Variants in TSPEAR observed in about 807,000 individuals in gnomAD.
TSPEAR encodes thrombospondin-type laminin G domain and EAR repeat-containing protein.
TSPEAR carries 69 observed loss-of-function variants against 71.6 expected under a neutral mutation model. That is an observed-to-expected ratio of 0.96 (90% CI 0.79 to 1.18). The LOEUF (loss-of-function observed/expected upper bound fraction) is 1.18. Among genes scored for constraint, TSPEAR ranks in the 50% most tolerant of loss-of-function variants. The probability of loss-of-function intolerance (pLI) is 0.00; values close to 1 mark genes in which losing one functional copy is unlikely to be tolerated. For synonymous variants in TSPEAR, 402 were observed against 387.2 expected (o/e 1.04, Z -0.45); for missense variants, 971 against 894.9 (o/e 1.09, Z -1.09).
chr21:44,599,134 T>TTCCCTCTCTCTCTCTCTC (rs1980575358), intron 1 of TSPEAR, among the ~76,000 whole-genome samples: 4 of 92,280 alleles, frequency 4.3e-5, no homozygotes, highest in African/African-American at 6.6e-5. Flanking sequence ...GGCCCCCATT[T>TTCCCTCTCTCTCTCTCTC]TCTCTCTCTC....
chr21:44,521,500 G>T (rs369672316), intron 9 of TSPEAR, among the ~76,000 whole-genome samples: 14 of 152,316 alleles, frequency 9.2e-5, no homozygotes, highest in African/African-American at 3.1e-4. Context: ...CCAGGGCCAG[G>T]GCCCTGACGA....
chr21:44,503,291 C>CA (rs1291317217), intron 11 of TSPEAR, among the ~76,000 whole-genome samples: 7 of 128,830 alleles, frequency 5.4e-5, no homozygotes, highest in South Asian at 2.6e-4. Flanking sequence ...GGTGAGCCCT[C>CA]GGGGGGAAGC....
chr21:44,566,371 G>A (rs782648554), intron 2 of TSPEAR, among the ~76,000 whole-genome samples: 8 of 152,010 alleles, frequency 5.3e-5, no homozygotes, highest in Non-Finnish European at 7.4e-5. Context: ...CAATGGAAAA[G>A]CATCATACGT....
At position 44,697,638 on chromosome 21, in the gene TSPEAR, C is replaced by A. The variant is rs35076450; in HGVS notation, c.82+13795G>T. On this transcript the variant is annotated intron_variant, in intron 1 of 11. Coordinates refer to ENST00000323084, the MANE Select transcript of TSPEAR (RefSeq NM_144991.3). ...CAGCCAGCTTGCTGCATCTCCTCCC[C>A]GTGTCAACAGTCCTGCTGTGTGCCC... 1,190 of 1,613,732 alleles carry A rather than the reference C, an allele frequency of 7.4e-4. 9 individuals are homozygous for A. In the African/African-American group the frequency reaches 0.014, roughly 19 times the overall value.
In TSPEAR at chr21:44,612,248, T is replaced by A; in HGVS notation, c.83-44243A>T. On this transcript the variant is annotated intron_variant, in intron 1 of 11. Coordinates refer to ENST00000323084, the MANE Select transcript of TSPEAR (RefSeq NM_144991.3). The surrounding 1 kb of genome is among the most constrained non-coding windows in gnomAD (Gnocchi z 4.1). ...GCAGGTGGACAATTGCCAGGAAAGC[T>A]GCTGCGAGCCCCGCTCCTGTGCCTC... 1.2e-6 allele frequency: 2 copies of A among 1,613,676 alleles called. No individual in the cohort carries two copies. The highest frequency in any genetic ancestry group is 1.7e-6 in the Non-Finnish European group (2 of 1,179,986).
At chr21:44,605,402 C>A (rs1601477765) in intron 1 of TSPEAR, among the ~76,000 whole-genome samples, 1 of 152,152 alleles carries the variant, frequency 6.6e-6, no homozygotes, top group African/African-American at 2.4e-5. Flanking sequence ...AGATTCAATG[C>A]AATCTCTATC....
At chr21:44,627,777 C>T (rs370664500) in intron 1 of TSPEAR, 16 of 1,600,592 alleles carry the variant, frequency 1.0e-5, no homozygotes, top group East Asian at 4.5e-5. Flanking sequence ...TGCCTGTCTG[C>T]TCTGGGGCTT....
intron 1 of TSPEAR, among the ~76,000 whole-genome samples, chr21:44,583,188 G>C (rs1809122620): frequency 1.3e-5 from 2 of 152,028 alleles, no homozygotes; most frequent in Non-Finnish European, 2.9e-5. Flanking sequence ...GGGGATCTGA[G>C]TGAGCTGAGC....
rs1386230412 is a variant in TSPEAR, at chr21:44,528,659, C to T, written c.791-76G>A. ...GGAAGACGACACAGGAAGAGGCCCC[C>T]AAACCAGGCTGCCCTGCCTCAGCCT... On this transcript the variant is annotated intron_variant, in intron 5 of 11. Transcript: ENST00000323084. The T allele has an allele frequency of 4.5e-6, 7 of 1,567,620 alleles. No individual in the cohort carries two copies. The African/African-American group carries it at 8.2e-5, about 18-fold the overall frequency.
intron 1 of TSPEAR, among the ~76,000 whole-genome samples, chr21:44,621,601 C>T (rs1321994375): frequency 6.6e-6 from 1 of 152,198 alleles, no homozygotes; most frequent in African/African-American, 2.4e-5. Flanking sequence ...CAGTTGCTCT[C>T]ACTAGAAGCC....
At chr21:44,575,194 G>C (rs902030444) in intron 1 of TSPEAR, 3 of 729,144 alleles carry the variant, frequency 4.1e-6, no homozygotes, top group Non-Finnish European at 6.8e-6. Context: ...GCGGGGGGAG[G>C]GGGGCGCTTC....
chr21:44,706,043 G>C (rs533777532), intron 1 of TSPEAR, among the ~76,000 whole-genome samples: 29 of 152,242 alleles, frequency 1.9e-4, no homozygotes, highest in African/African-American at 7.0e-4. Context: ...TCGATGCTTA[G>C]GAAAATAGAA....
intron 1 of TSPEAR, chr21:44,677,015 TA>T (rs1377418934): frequency 6.8e-6 from 6 of 880,172 alleles, no homozygotes; most frequent in Non-Finnish European, 1.2e-5. Flanking sequence ...TCTGGAGTAA[TA>T]CTGTCCAGCT....
chr21:44,572,856 C>G (rs1555922821), intron 1 of TSPEAR, among the ~76,000 whole-genome samples: 2 of 150,474 alleles, frequency 1.3e-5, no homozygotes, highest in African/African-American at 4.9e-5. Context: ...CACACACACA[C>G]ACACACACAC....
At chr21:44,677,147 G>C in intron 1 of TSPEAR, 1 of 715,452 alleles carries the variant, frequency 1.4e-6, no homozygotes, top group Middle Eastern at 2.3e-4. Context: ...ATCATGTTGT[G>C]AAGTTTATAT....
Position 44,509,317 on chromosome 21 carries a change from G to T in TSPEAR, c.1636C>A (p.His546Asn). ...ACTTGCATCTCCACATCGTAGCTGT[G>T]ACTGTTTGCCACAGCGAGGAAGATC... is the stretch of plus-strand genomic sequence containing the variant. ...ERIFLAVANS[H>N]SYDVEMQVQN... is the part of the protein sequence containing the mutation. Residue 546 changes from histidine (H) to asparagine (N), a missense_variant, in exon 10 of 12, where the codon CAC (histidine) becomes AAC (asparagine). Transcript: ENST00000323084. The T allele has an allele frequency of 6.2e-7, 1 of 1,614,018 alleles. No individual in the cohort carries two copies.
At chr21:44,707,300 G>GTT (rs1555952599) in intron 1 of TSPEAR, among the ~76,000 whole-genome samples, 1 of 133,472 alleles carries the variant, frequency 7.5e-6, no homozygotes, top group Non-Finnish European at 1.7e-5. Context: ...AAGGACGCGG[G>GTT]GTGGGGGGGG....
At chr21:44,561,669 G>T (rs1167429056) in intron 2 of TSPEAR, among the ~76,000 whole-genome samples, 1 of 152,182 alleles carries the variant, frequency 6.6e-6, no homozygotes, top group Non-Finnish European at 1.5e-5. Flanking sequence ...TGCAAAGCTG[G>T]CTCAACATAG....
At chr21:44,531,441 G>A (rs1182000425) in intron 3 of TSPEAR, among the ~76,000 whole-genome samples, 1 of 152,166 alleles carries the variant, frequency 6.6e-6, no homozygotes, top group African/African-American at 2.4e-5. Flanking sequence ...CCCAGTATCT[G>A]TCTCCTGGTA....
Sources: gnomAD v4.1 joint callset for allele counts (sites outside exome capture counted in the v4.1 genomes callset) on GRCh38, gnomAD v4.1.1 for gene constraint, Gnocchi (gnomAD v3.1) non-coding constraint, MANE v1.5 for transcripts, NCBI Gene and HGNC (gene_info 2026-07-23, HGNC 2026-07-21) for gene names.